PRSS55: variants seen among roughly 807,000 people sequenced by gnomAD.
The protein encoded by PRSS55 is probable serine protease UNQ9391/PRO34284.
A neutral mutation model predicts 23.6 loss-of-function variants in PRSS55; 41 were observed. That is an observed-to-expected ratio of 1.74 (90% CI 1.35 to 2.26). PRSS55 has a LOEUF of 2.26. Among genes scored for constraint, PRSS55 ranks in the 30% most tolerant of loss-of-function variants. The probability of loss-of-function intolerance (pLI) is 0.00; values close to 1 mark genes in which losing one functional copy is unlikely to be tolerated. For missense variants in PRSS55, 669 were observed against 439.1 expected (o/e 1.52, Z -4.68); for synonymous variants, 262 against 175.5 (o/e 1.49, Z -3.90).
intron 4 of PRSS55, among the ~76,000 whole-genome samples, chr8:10,537,495 G>A (rs148730206): frequency 1.6e-3 from 249 of 152,262 alleles, no homozygotes; most frequent in African/African-American, 5.2e-3. Flanking sequence ...TAAGGAGCAC[G>A]AAAACACAGT....
downstream of PRSS55, among the ~76,000 whole-genome samples, chr8:10,542,768 G>C (rs1170085433): frequency 2.7e-5 from 4 of 150,892 alleles, no homozygotes; most frequent in African/African-American, 4.9e-5. Flanking sequence ...AGCTACTTGA[G>C]AGGCTAAGGC....
chr8:10,529,580 G>A lies in PRSS55; in HGVS notation c.228G>A (p.Val76=), dbSNP rs747363083. ...SRITGGMEAE[V]GEFPWQVSIQ... Reference sequence around the variant, plus strand: ...TCACAGGGGGGATGGAGGCGGAGGTGGGTGAGTTTCCGTGGCAGGTGAGTA... The same window carrying A: ...TCACAGGGGGGATGGAGGCGGAGGTAGGTGAGTTTCCGTGGCAGGTGAGTA... The change falls in exon 2 of 5, where the codon GTG becomes GTA. Residue 76 remains valine (V), a synonymous_variant. Coordinates refer to ENST00000328655, the MANE Select transcript of PRSS55 (RefSeq NM_198464.4). 3 of 1,614,104 alleles carry A rather than the reference G, an allele frequency of 1.9e-6. No individual in the cohort carries two copies. The highest frequency in any genetic ancestry group is 4.5e-5 in the East Asian group (2 of 44,898).
chr8:10,546,296 A>G (rs960653549), intron 4 of PRSS55, among the ~76,000 whole-genome samples: 2 of 152,162 alleles, frequency 1.3e-5, no homozygotes, highest in African/African-American at 4.8e-5. Context: ...CCATACACTG[A>G]ACACTCAGGG....
At chr8:10,532,482 A>T (rs1812303509) in intron 3 of PRSS55, among the ~76,000 whole-genome samples, 1 of 152,154 alleles carries the variant, frequency 6.6e-6, no homozygotes, top group East Asian at 1.9e-4. Context: ...TGAGGACCTA[A>T]AGTTTTTTCA....
chr8:10,537,801 A>G (rs1812508262), intron 4 of PRSS55, among the ~76,000 whole-genome samples: 1 of 152,156 alleles, frequency 6.6e-6, no homozygotes, highest in Non-Finnish European at 1.5e-5. Flanking sequence ...CTACCATAGA[A>G]CCCTCAGCAA....
At chr8:10,546,172 A>G (rs1812813173) in intron 4 of PRSS55, among the ~76,000 whole-genome samples, 1 of 152,190 alleles carries the variant, frequency 6.6e-6, no homozygotes, top group Non-Finnish European at 1.5e-5. Context: ...CTTAGCCCCA[A>G]GAACGTGAGC....
chr8:10,538,450 T>A, intron 4 of PRSS55, 26 bp from the exon 5 acceptor site: 1 of 1,571,538 alleles, frequency 6.4e-7, no homozygotes, highest in Non-Finnish European at 8.7e-7. Flanking sequence ...CCGGACTCCC[T>A]GCTGAGCTGT....
Position 10,525,647 on chromosome 8 carries a change from G to A in PRSS55, c.62G>A (p.Arg21Gln), listed in dbSNP as rs148969594. 303 of 1,614,112 alleles carry A rather than the reference G, an allele frequency of 1.9e-4. No individual in the cohort carries two copies. The highest frequency in any genetic ancestry group is 5.9e-4 in the African/African-American group (44 of 75,038). Residue 21 changes from arginine (R) to glutamine (Q), a missense_variant, in exon 1 of 5, where the codon CGG becomes CAG. Transcript: ENST00000328655. ...GTCACGGGAACTCAGCTCGGTCCACGGACTCCTCTCCCAGAGGCTGGAGTG... is the reference window on the plus strand; with the variant it reads ...GTCACGGGAACTCAGCTCGGTCCACAGACTCCTCTCCCAGAGGCTGGAGTG... ...SLVTGTQLGPRTPLPEAGVAI... is the reference protein window; with the variant it reads ...SLVTGTQLGPQTPLPEAGVAI...
chr8:10,539,564 A>G (rs1347940099), downstream of PRSS55, among the ~76,000 whole-genome samples: 2 of 152,244 alleles, frequency 1.3e-5, no homozygotes, highest in African/African-American at 4.8e-5. Flanking sequence ...TATAGCTCCC[A>G]TAATTCCCAC....
intron 4 of PRSS55, among the ~76,000 whole-genome samples, chr8:10,553,189 C>G (rs1461561058): frequency 4.6e-5 from 7 of 152,234 alleles, no homozygotes; most frequent in Non-Finnish European, 8.8e-5. Context: ...GCTCCTCCCC[C>G]TTTGCTGGCT....
At chr8:10,553,850 C>G (rs937150966) in intron 4 of PRSS55, 3 of 773,916 alleles carry the variant, frequency 3.9e-6, no homozygotes, top group Middle Eastern at 6.9e-4. Context: ...ATTGGAGTAA[C>G]CATTTCACAA....
intron 4 of PRSS55, among the ~76,000 whole-genome samples, chr8:10,551,630 CA>C (rs1812953152): frequency 1.3e-5 from 2 of 152,218 alleles, no homozygotes; most frequent in South Asian, 4.1e-4. Context: ...CTAACCCTGG[CA>C]ACGCTGACCG....
intron 4 of PRSS55, among the ~76,000 whole-genome samples, chr8:10,533,283 G>A (rs1282371417): frequency 6.6e-6 from 1 of 152,024 alleles, no homozygotes; most frequent in African/African-American, 2.4e-5. Context: ...ATCTTCTTCA[G>A]GTACACTAGG....
chr8:10,531,901 T>C (rs1035226735), intron 3 of PRSS55, among the ~76,000 whole-genome samples: 1 of 152,224 alleles, frequency 6.6e-6, no homozygotes, highest in African/African-American at 2.4e-5. Context: ...GCATTGGAGA[T>C]TCCCACCCTG....
Position 10,531,418 on chromosome 8 carries a change from T to G in PRSS55, c.471T>G (p.Ile157Met), listed in dbSNP as rs1462877805. 6.2e-7 allele frequency: 1 copy of G among 1,614,248 alleles called. No individual in the cohort carries two copies. Residue 157 changes from isoleucine to methionine, a missense_variant, in exon 3 of 5, where the codon ATT (isoleucine) becomes ATG (methionine). Transcript: ENST00000328655. ...AGAGAGCCAACATGGACAATGACAT[T>G]GCCTTGCTGCTGCTGGCTTCGCCCA... ...DFKRANMDND[I>M]ALLLLASPIK...
downstream of PRSS55, chr8:10,538,843 C>A: frequency 6.7e-7 from 1 of 1,483,946 alleles, no homozygotes; most frequent in Non-Finnish European, 9.0e-7. Context: ...CATGCAAGTG[C>A]GTCTCCAGCA....
chr8:10,551,807 T>A (rs1431469565), intron 4 of PRSS55, among the ~76,000 whole-genome samples: 1 of 152,218 alleles, frequency 6.6e-6, no homozygotes, highest in East Asian at 1.9e-4. Context: ...TCAAGCCCCG[T>A]GCTGTCCTCA....
At chr8:10,543,988 T>C (rs1812744144) in intron 4 of PRSS55, among the ~76,000 whole-genome samples, 1 of 152,196 alleles carries the variant, frequency 6.6e-6, no homozygotes, top group African/African-American at 2.4e-5. Flanking sequence ...TTTTAAAAAG[T>C]ATATTCTGCT....
chr8:10,530,828 T>G (rs1812225849), intron 2 of PRSS55, among the ~76,000 whole-genome samples: 1 of 152,208 alleles, frequency 6.6e-6, no homozygotes, highest in South Asian at 2.1e-4. Flanking sequence ...GGCTTATTAC[T>G]GAAGATCCTG....
Sources: allele counts gnomAD v4.1 joint callset (sites outside exome capture counted in the v4.1 genomes callset), GRCh38; gene constraint gnomAD v4.1.1; transcripts MANE v1.5; gene names NCBI Gene and HGNC (gene_info 2026-07-23, HGNC 2026-07-21).